The following FOXO3 variants were observed in gnomAD, a reference collection of about 807,000 sequenced individuals.
FOXO3 encodes the protein forkhead box O3, also known as forkhead box protein O3.
A neutral mutation model predicts 41.9 loss-of-function variants in FOXO3; 4 were observed. The observed-to-expected ratio is 0.10, with a 90% CI of 0.05 to 0.22. The LOEUF (loss-of-function observed/expected upper bound fraction) is 0.22. Among genes scored for constraint, FOXO3 ranks in the 10% least tolerant of loss-of-function variants. The pLI is 1.00. For missense variants in FOXO3, 534 were observed against 906.8 expected (o/e 0.59, Z 5.28); for synonymous variants, 318 against 389.3 (o/e 0.82, Z 2.16).
intron 1 of FOXO3, among the ~76,000 whole-genome samples, chr6:108,576,536 T>G (rs1243814540): frequency 1.3e-5 from 2 of 152,242 alleles, no homozygotes; most frequent in Non-Finnish European, 2.9e-5. Context: ...CTGTGTCTTC[T>G]AAGTTGGCTT....
intron 1 of FOXO3, among the ~76,000 whole-genome samples, chr6:108,611,288 T>C (rs1292243569): frequency 6.6e-6 from 1 of 152,222 alleles, no homozygotes; most frequent in African/African-American, 2.4e-5. Context: ...TTGGGTTGTT[T>C]CCAGTTTTTT....
At chr6:108,597,620 G>A (rs1383733196) in intron 1 of FOXO3, among the ~76,000 whole-genome samples, 2 of 152,090 alleles carry the variant, frequency 1.3e-5, no homozygotes, top group African/African-American at 2.4e-5. Flanking sequence ...TACACATTGC[G>A]TTACCAGTCT....
chr6:108,643,653 A>C (rs1778320693), intron 1 of FOXO3, among the ~76,000 whole-genome samples: 2 of 152,168 alleles, frequency 1.3e-5, no homozygotes, highest in Admixed American at 6.6e-5. Context: ...TTTTGACCAG[A>C]ATGTAAGAGG....
rs1301478930 is a variant in FOXO3 at position 108,617,627 on chromosome 6, T to C, written c.622-45828T>C. Among the ~76,000 whole-genome samples the C allele has an allele frequency of 2.7e-5, 4 of 145,978 alleles. 1 individual carries two copies. In the East Asian group the frequency reaches 5.8e-4, roughly 21 times the overall value. On this transcript the variant is annotated intron_variant, in intron 1 of 2. Coordinates refer to ENST00000406360, the MANE Select transcript of FOXO3 (RefSeq NM_001455.4). ...CAAGGTATGCAAGGATTTTTATGGG[T>C]TTTTTGTTTGTTTGTTTGTTGTTGT... is the stretch of plus-strand genomic sequence containing the variant.
rs181973343 is a variant in FOXO3 at position 108,654,157 on chromosome 6, A to C, written c.622-9298A>C. On this transcript the variant is annotated intron_variant, in intron 1 of 2. Coordinates refer to ENST00000406360, the MANE Select transcript of FOXO3 (RefSeq NM_001455.4). ...TGGGGAGGGGCAGGATGCTGCAGGGAGTGGGTGTGGGCAGAGGTTGCAAGA... is the reference window on the plus strand; with the variant it reads ...TGGGGAGGGGCAGGATGCTGCAGGGCGTGGGTGTGGGCAGAGGTTGCAAGA... Among the ~76,000 whole-genome samples the C allele has an allele frequency of 1.6e-3, 244 of 151,636 alleles. 2 individuals are homozygous for C. The highest frequency in any genetic ancestry group is 3.1e-3 in the Non-Finnish European group (207 of 67,830).
At chr6:108,676,806 A>C (rs577621426) in intron 2 of FOXO3, among the ~76,000 whole-genome samples, 1 of 152,214 alleles carries the variant, frequency 6.6e-6, no homozygotes, top group Non-Finnish European at 1.5e-5. Context: ...ATTGAGCCAC[A>C]GGAGAGCCAT....
intron 1 of FOXO3, among the ~76,000 whole-genome samples, chr6:108,644,910 C>T (rs1935953): frequency 0.044 from 6,677 of 152,126 alleles, 420 homozygotes; most frequent in African/African-American, 0.14. Context: ...TGTCCCTTAC[C>T]TCCCTCTCAC....
At chr6:108,647,679 G>A (rs1778430071) in intron 1 of FOXO3, among the ~76,000 whole-genome samples, 1 of 152,118 alleles carries the variant, frequency 6.6e-6, no homozygotes, top group South Asian at 2.1e-4. Flanking sequence ...GAACACCATA[G>A]TGAATATACC....
chr6:108,658,282 C>T (rs1231682169), intron 1 of FOXO3, among the ~76,000 whole-genome samples: 1 of 152,078 alleles, frequency 6.6e-6, no homozygotes, highest in Non-Finnish European at 1.5e-5. Flanking sequence ...GCTGGCCACC[C>T]TGTATGAATA....
rs147398777 is a variant in FOXO3, at chr6:108,659,090, G to A, written c.622-4365G>A. Among the ~76,000 whole-genome samples the A allele has an allele frequency of 3.0e-3, 462 of 152,058 alleles. 1 individual carries two copies. The highest frequency in any genetic ancestry group is 0.011 in the African/African-American group (445 of 41,462). On this transcript the variant is annotated intron_variant, in intron 1 of 2. Transcript: ENST00000406360. ...TGTAGAGACAGGGTTTTGCCATGTT[G>A]CCCAGGCTGGTCTTGAACTCCTGAG... is the stretch of plus-strand genomic sequence containing the variant.
intron 1 of FOXO3, among the ~76,000 whole-genome samples, chr6:108,596,337 G>A (rs978599965): frequency 2.4e-4 from 34 of 144,304 alleles, no homozygotes; most frequent in Non-Finnish European, 7.4e-5. Flanking sequence ...GGGGCTTATG[G>A]ACCCACTAAG....
intron 1 of FOXO3, among the ~76,000 whole-genome samples, chr6:108,582,342 A>G (rs1776445002): frequency 1.3e-5 from 2 of 152,196 alleles, no homozygotes; most frequent in African/African-American, 4.8e-5. Flanking sequence ...TTGTTGTCCC[A>G]GGAGGCAGAT....
At position 108,682,871 on chromosome 6, in the gene FOXO3, T is replaced by C. The variant is rs568267159; in HGVS notation, c.*3079T>C. ...GCTGCTCTAGGGAGCCGCCTACTTT[T>C]TGATGAGAAATTAGAAGAGTACCTA... is the stretch of plus-strand genomic sequence containing the variant. On this transcript the variant is annotated 3_prime_UTR_variant, in exon 3 of 3. Transcript: ENST00000406360. 6.5e-6 allele frequency: 1 copy of C among 152,784 alleles called. No homozygotes were observed. The highest frequency in any genetic ancestry group is 1.9e-4 in the East Asian group (1 of 5,190). 9.5% of individuals were successfully genotyped at this position (152,784 alleles called of 1,614,324 possible). A position where few individuals can be genotyped will look rare whatever the true frequency, so the allele number is the denominator to read the frequency against.
At chr6:108,614,729 A>AT (rs1327953898) in intron 1 of FOXO3, among the ~76,000 whole-genome samples, 2 of 144,404 alleles carry the variant, frequency 1.4e-5, no homozygotes, top group African/African-American at 5.2e-5. Flanking sequence ...TTTGTTTTTT[A>AT]TTTTTTGCGT....
intron 1 of FOXO3, among the ~76,000 whole-genome samples, chr6:108,585,093 C>T (rs948690342): frequency 3.0e-4 from 37 of 124,600 alleles, no homozygotes; most frequent in African/African-American, 1.1e-3. Flanking sequence ...GGACTGCGGA[C>T]TGCAATGGCG....
intron 1 of FOXO3, among the ~76,000 whole-genome samples, chr6:108,655,730 G>A (rs984145605): frequency 2.0e-5 from 3 of 152,158 alleles, no homozygotes; most frequent in African/African-American, 4.8e-5. Flanking sequence ...GCGCCCACCC[G>A]GGCCTGCTCC....
rs1482214725 is a variant in FOXO3, at chr6:108,664,372, T to C, written c.1539T>C (p.Asn513=). ...CCCGCCGGAACGTGATGCTTCGCAA[T>C]GATCCGATGATGTCCTTTGCTGCCC... The part of the protein sequence containing the change: ...QNSRRNVMLR[N]DPMMSFAAQP... The change falls in exon 2 of 3, where the codon AAT becomes AAC. Residue 513 remains asparagine, a synonymous_variant. Transcript: ENST00000406360. 3 of 1,613,592 alleles carry C rather than the reference T, an allele frequency of 1.9e-6. No homozygotes were observed. Among genetic ancestry groups the C allele is most frequent in the South Asian group, 1.1e-5 (1 of 91,046 alleles).
chr6:108,568,126 T>A (rs1204441998), intron 1 of FOXO3, among the ~76,000 whole-genome samples: 1 of 151,090 alleles, frequency 6.6e-6, no homozygotes, highest in East Asian at 2.0e-4. Flanking sequence ...GGCAGGAGGA[T>A]CCCTTAATCC....
chr6:108,615,013 G>C (rs540172253), intron 1 of FOXO3, among the ~76,000 whole-genome samples: 30 of 152,046 alleles, frequency 2.0e-4, no homozygotes, highest in Non-Finnish European at 3.5e-4. Context: ...TTTACATGGA[G>C]TATAAAATCC....
Sources: gnomAD v4.1 joint callset for allele counts (sites outside exome capture counted in the v4.1 genomes callset) on GRCh38, gnomAD v4.1.1 for gene constraint, MANE v1.5 for transcripts, NCBI Gene and HGNC (gene_info 2026-07-23, HGNC 2026-07-21) for gene names.